Variants in ANO4 observed in about 807,000 individuals in gnomAD.
The protein encoded by ANO4 is anoctamin 4, also known as anoctamin-4.
In ANO4, 69 loss-of-function variants were observed where a neutral mutation model predicts 141.9. The observed-to-expected ratio is 0.49, with a 90% CI of 0.40 to 0.59. ANO4 has a LOEUF of 0.59. Among genes scored for constraint, ANO4 ranks in the 20% least tolerant of loss-of-function variants. The probability of loss-of-function intolerance (pLI) is 0.00; values close to 1 mark genes in which losing one functional copy is unlikely to be tolerated. For synonymous variants in ANO4, 350 were observed against 394.3 expected (o/e 0.89, Z 1.33); for missense variants, 894 against 1,162.2 (o/e 0.77, Z 3.36).
chr12:100,788,419 T>C (rs2033938381), intron 3 of ANO4, among the ~76,000 whole-genome samples: 1 of 152,250 alleles, frequency 6.6e-6, no homozygotes, highest in Non-Finnish European at 1.5e-5. Flanking sequence ...TCTTGGTCAT[T>C]CCTGTTTCTG....
intron 7 of ANO4, among the ~76,000 whole-genome samples, chr12:100,975,260 C>T (rs760397993): frequency 4.2e-4 from 64 of 151,600 alleles, no homozygotes; most frequent in Admixed American, 2.6e-3. Context: ...TTGGTGCACC[C>T]ATCACCTGAG....
At chr12:101,042,498 T>G in intron 12 of ANO4, 30 bp downstream of exon 12, 1 of 1,613,490 alleles carries the variant, frequency 6.2e-7, no homozygotes, top group Non-Finnish European at 8.5e-7. Context: ...GAGTTTGCCT[T>G]TGTTTAGTAC....
intron 10 of ANO4, among the ~76,000 whole-genome samples, chr12:101,039,624 A>T (rs1161489533): frequency 6.6e-6 from 1 of 152,250 alleles, no homozygotes; most frequent in Non-Finnish European, 1.5e-5. Flanking sequence ...AATGGGACAA[A>T]TATTAGTTCC....
intron 1 of ANO4, among the ~76,000 whole-genome samples, chr12:100,898,348 A>G (rs1370638496): frequency 6.6e-6 from 1 of 152,186 alleles, no homozygotes; most frequent in Non-Finnish European, 1.5e-5. Flanking sequence ...CATACTAGCT[A>G]TTTATTTACA....
At chr12:100,876,135 C>T (rs1474287706) in intron 1 of ANO4, among the ~76,000 whole-genome samples, 1 of 151,980 alleles carries the variant, frequency 6.6e-6, no homozygotes, top group African/African-American at 2.4e-5. Flanking sequence ...TTATTTTTCG[C>T]CAGGCCCTAC....
chr12:100,995,897 G>A (rs1023008172), intron 8 of ANO4, among the ~76,000 whole-genome samples: 98 of 152,188 alleles, frequency 6.4e-4, no homozygotes, highest in African/African-American at 2.0e-3. Flanking sequence ...CATTGTTACC[G>A]CTGGGGGACA....
intron 8 of ANO4, among the ~76,000 whole-genome samples, chr12:100,988,003 C>T (rs773057448): frequency 1.3e-5 from 2 of 152,200 alleles, no homozygotes; most frequent in Non-Finnish European, 2.9e-5. Context: ...CCTGCAGGCT[C>T]ATCTGCATCT....
At chr12:100,738,621 T>C (rs2031712309) in intron 2 of ANO4, among the ~76,000 whole-genome samples, 1 of 152,064 alleles carries the variant, frequency 6.6e-6, no homozygotes, top group Admixed American at 6.6e-5. Flanking sequence ...TTTTATTTTT[T>C]TGGAAAAAGA....
intron 4 of ANO4, among the ~76,000 whole-genome samples, 173 bp downstream of exon 4, chr12:100,939,624 A>T (rs2042425098): frequency 6.6e-6 from 1 of 152,194 alleles, no homozygotes; most frequent in Admixed American, 6.5e-5. Flanking sequence ...TATTTCAAGG[A>T]TCCTAAATCT....
At chr12:100,744,057 A>T (rs2031990611) in intron 3 of ANO4, among the ~76,000 whole-genome samples, 1 of 152,088 alleles carries the variant, frequency 6.6e-6, no homozygotes, top group African/African-American at 2.4e-5. Flanking sequence ...TCCAATCCCC[A>T]GCTGCATACT....
chr12:100,889,243 G>A (rs139178678), intron 1 of ANO4, among the ~76,000 whole-genome samples: 8,567 of 152,080 alleles, frequency 0.056, 751 homozygotes, highest in African/African-American at 0.18. Context: ...GTATTCCATG[G>A]TGTATATGTG....
intron 2 of ANO4, among the ~76,000 whole-genome samples, chr12:100,737,672 C>T (rs1197221827): frequency 6.6e-6 from 1 of 152,214 alleles, no homozygotes; most frequent in East Asian, 1.9e-4. Flanking sequence ...CACAGTCTGT[C>T]CAGTGCAAAG....
intron 3 of ANO4, among the ~76,000 whole-genome samples, chr12:100,934,441 C>T (rs757519834): frequency 5.3e-5 from 8 of 152,096 alleles, no homozygotes; most frequent in African/African-American, 1.2e-4. Context: ...GACTCTGTTC[C>T]GTTCCATTGG....
chr12:100,717,941 T>C (rs2030687413), intron 1 of ANO4, among the ~76,000 whole-genome samples: 1 of 152,212 alleles, frequency 6.6e-6, no homozygotes, highest in Admixed American at 6.5e-5. Flanking sequence ...GGGCAAGTTA[T>C]TTAAACTTTT....
At chr12:101,057,163 G>C (rs1448138037) in intron 14 of ANO4, among the ~76,000 whole-genome samples, 1 of 151,730 alleles carries the variant, frequency 6.6e-6, no homozygotes, top group African/African-American at 2.4e-5. Flanking sequence ...CTTCATCCAT[G>C]TCCCTGAAAA....
At chr12:100,852,840 G>A (rs1448076803) in intron 1 of ANO4, among the ~76,000 whole-genome samples, 1 of 152,010 alleles carries the variant, frequency 6.6e-6, no homozygotes, top group Non-Finnish European at 1.5e-5. Context: ...ATTCCAAAAC[G>A]CAAACTAAAA....
chr12:101,053,158 A>G (rs1006792927), intron 14 of ANO4, among the ~76,000 whole-genome samples: 2 of 152,254 alleles, frequency 1.3e-5, no homozygotes, highest in South Asian at 2.1e-4. Context: ...CAATAGGCCA[A>G]TGAGGGTTTA....
chr12:100,815,331 T>C (rs1399764424), intron 1 of ANO4, among the ~76,000 whole-genome samples: 4 of 152,190 alleles, frequency 2.6e-5, no homozygotes, highest in African/African-American at 9.6e-5. Flanking sequence ...CGTAATGATA[T>C]AATCATTGAC....
intron 14 of ANO4, 150 bp downstream of exon 14, chr12:101,048,551 G>A (rs2047730564): frequency 1.5e-6 from 1 of 677,946 alleles, no homozygotes; most frequent in South Asian, 2.3e-5. Context: ...TAATTTATTG[G>A]GTTTATTTTA....
Sources: gnomAD v4.1 joint callset for allele counts (sites outside exome capture counted in the v4.1 genomes callset) on GRCh38, gnomAD v4.1.1 for gene constraint, MANE v1.5 for transcripts, NCBI Gene and HGNC (gene_info 2026-07-23, HGNC 2026-07-21) for gene names.